The following ATP11B variants were observed in gnomAD, a reference collection of about 807,000 sequenced individuals.
ATP11B encodes phospholipid-transporting ATPase IF.
A neutral mutation model predicts 157.8 loss-of-function variants in ATP11B; 81 were observed. The ratio of observed to expected loss-of-function variants is 0.51; its 90% confidence interval spans 0.43 to 0.62. ATP11B has a LOEUF of 0.62. ATP11B is among the 20% of genes least tolerant of loss of function. ATP11B has a pLI of 0.00. For missense variants in ATP11B, 1,165 were observed against 1,402.2 expected, an observed-to-expected ratio of 0.83 and a Z score of 2.70; for synonymous variants, 451 against 469.4, an observed-to-expected ratio of 0.96 and a Z score of 0.51.
chr3:182,905,901 C>G, intron 28 of ATP11B: 1 of 456,560 alleles, frequency 2.2e-6, no homozygotes, highest in Non-Finnish European at 4.4e-6. Flanking sequence ...GCCAGCAGGA[C>G]AGTTGTTGCG....
intron 19 of ATP11B, among the ~76,000 whole-genome samples, chr3:182,875,417 T>TTTGTTGTTGTTGTTTTG (rs1267941744): frequency 1.4e-5 from 2 of 141,464 alleles, no homozygotes; most frequent in African/African-American, 3.2e-5. Flanking sequence ...CAGGGGATTT[T>TTTGTTGTTGTTGTTTTG]TTGTTGTTGT....
rs1725351505 is a variant in ATP11B, at chr3:182,919,759, CTTGCTAATGT to C, written c.*1656_*1665del. 6.6e-6 allele frequency: 1 copy of C among 152,062 alleles called. No homozygotes were observed. Among genetic ancestry groups the C allele is most frequent in the African/African-American group, 2.4e-5 (1 of 41,398 alleles). 9.4% of individuals were successfully genotyped at this position (152,062 alleles called of 1,614,324 possible). ...TTGTTTGCTTGTAAACTATTATTTT[CTTGCTAATGT>C]AACATTTGTCTGTTCCAGTGATGTA... On this transcript the variant is annotated 3_prime_UTR_variant, in exon 30 of 30. Coordinates refer to ENST00000323116, the MANE Select transcript of ATP11B (RefSeq NM_014616.3).
intron 9 of ATP11B, among the ~76,000 whole-genome samples, chr3:182,846,353 A>C (rs968800170): frequency 6.6e-5 from 10 of 152,074 alleles, no homozygotes; most frequent in Non-Finnish European, 1.3e-4. Flanking sequence ...AGAAATTGGA[A>C]CCCTTGTACA....
chr3:182,868,856 AG>A (rs1253591254), intron 15 of ATP11B, among the ~76,000 whole-genome samples: 1 of 152,192 alleles, frequency 6.6e-6, no homozygotes, highest in Non-Finnish European at 1.5e-5. Flanking sequence ...AAATGACATA[AG>A]GTGTGTAAAA....
At chr3:182,857,838 CATGAGTTGT>C in intron 10 of ATP11B, 31 bp from the exon 11 acceptor site, 1 of 1,275,448 alleles carries the variant, frequency 7.8e-7, no homozygotes, top group Middle Eastern at 2.6e-4. Context: ...TATAGTAATA[CATGAGTTGT>C]ATGTTTTATA....
At chr3:182,801,133 C>T (rs902527870) in intron 1 of ATP11B, among the ~76,000 whole-genome samples, 1 of 152,164 alleles carries the variant, frequency 6.6e-6, no homozygotes, top group Non-Finnish European at 1.5e-5. Flanking sequence ...GTAGTTTATC[C>T]TCCTTAACAT....
Position 182,866,274 on chromosome 3 carries a change from G to A in ATP11B, c.1450G>A (p.Glu484Lys). ...ATTAATTACATTTTTACAGATTAAA[G>A]AACATGATCTCTTCTTTAAAGCAGT... ...SPENETELIK[E>K]HDLFFKAVSL... The change falls in exon 14 of 30, where the codon GAA (glutamate) becomes AAA (lysine). Residue 484 changes from glutamate to lysine, a missense_variant. Coordinates refer to ENST00000323116, the MANE Select transcript of ATP11B (RefSeq NM_014616.3). The A allele has an allele frequency of 1.3e-6, 2 of 1,567,104 alleles. No homozygotes were observed. The highest frequency in any genetic ancestry group is 1.7e-6 in the Non-Finnish European group (2 of 1,152,486).
chr3:182,905,473 A>G (rs560314277), intron 28 of ATP11B, among the ~76,000 whole-genome samples: 28 of 152,378 alleles, frequency 1.8e-4, no homozygotes, highest in African/African-American at 6.3e-4. Flanking sequence ...TACCTTTTCA[A>G]TAAGAACCCT....
chr3:182,798,811 A>G (rs1715796705), intron 1 of ATP11B, among the ~76,000 whole-genome samples: 1 of 152,216 alleles, frequency 6.6e-6, no homozygotes, highest in African/African-American at 2.4e-5. Flanking sequence ...AAGGATGTAA[A>G]ATATCTCATT....
chr3:182,880,854 A>G, intron 20 of ATP11B, 25 bp from the exon 21 acceptor site: 1 of 1,481,832 alleles, frequency 6.7e-7, no homozygotes, highest in South Asian at 1.3e-5. Flanking sequence ...TGCGTCATAA[A>G]TAACCAATTC....
intron 5 of ATP11B, 32 bp downstream of exon 5, chr3:182,836,174 T>G (rs757461316): frequency 1.1e-5 from 17 of 1,588,664 alleles, no homozygotes; most frequent in Middle Eastern, 1.7e-4. Flanking sequence ...GAAATCAACT[T>G]TATCTTGATA....
chr3:182,919,808 A>T lies in ATP11B; in HGVS notation c.*1704A>T, dbSNP rs1175636190. On this transcript the variant is annotated 3_prime_UTR_variant, in exon 30 of 30. Transcript: ENST00000323116. ...TCCAGTGATGTAAGGATATTAAGTTATTAAGCTAAATATTAATTTTCAAAA... is the reference window on the plus strand; with the variant it reads ...TCCAGTGATGTAAGGATATTAAGTTTTTAAGCTAAATATTAATTTTCAAAA... The T allele has an allele frequency of 6.6e-6, 1 of 152,238 alleles. No individual in the cohort carries two copies. The highest frequency in any genetic ancestry group is 1.5e-5 in the Non-Finnish European group (1 of 68,036). The allele number at this position is 152,238 out of a possible 1,614,324, so 9.4% of individuals were successfully genotyped here.
intron 26 of ATP11B, 133 bp downstream of exon 26, chr3:182,896,898 ATT>A: frequency 1.5e-6 from 1 of 665,734 alleles, no homozygotes; most frequent in South Asian, 2.2e-5. Context: ...ACTGGTTACT[ATT>A]TTAATAGTTA....
intron 1 of ATP11B, among the ~76,000 whole-genome samples, chr3:182,799,527 G>A (rs1445234151): frequency 2.6e-5 from 4 of 151,926 alleles, no homozygotes; most frequent in African/African-American, 7.3e-5. Flanking sequence ...CGCCCGCCTC[G>A]GCCTCCGGAA....
chr3:182,834,599 A>G (rs2108509309), intron 4 of ATP11B, among the ~76,000 whole-genome samples: 1 of 152,312 alleles, frequency 6.6e-6, no homozygotes, highest in Non-Finnish European at 1.5e-5. Flanking sequence ...TCCATTATCT[A>G]TACTTGTGCC....
intron 25 of ATP11B, among the ~76,000 whole-genome samples, chr3:182,894,415 A>T (rs913496883): frequency 1.3e-5 from 2 of 151,976 alleles, no homozygotes; most frequent in East Asian, 3.9e-4. Flanking sequence ...CGAACTCCCA[A>T]CCTCAGGTGA....
intron 2 of ATP11B, among the ~76,000 whole-genome samples, chr3:182,826,539 A>G: frequency 6.6e-6 from 1 of 152,160 alleles, no homozygotes; most frequent in East Asian, 1.9e-4. Flanking sequence ...ATGTGTATAC[A>G]TTGAACATTG....
At chr3:182,846,589 G>T (rs1032208577) in intron 9 of ATP11B, among the ~76,000 whole-genome samples, 3 of 152,162 alleles carry the variant, frequency 2.0e-5, no homozygotes, top group African/African-American at 7.2e-5. Context: ...ATTAGATAAT[G>T]AATGAATAAG....
At chr3:182,859,387 T>C (rs1423030436) in intron 12 of ATP11B, 28 bp downstream of exon 12, 2 of 1,512,694 alleles carry the variant, frequency 1.3e-6, no homozygotes, top group South Asian at 1.3e-5. Context: ...ATTTTGTTTC[T>C]CTAATTTGTT....
Sources: allele counts gnomAD v4.1 joint callset (sites outside exome capture counted in the v4.1 genomes callset), GRCh38; gene constraint gnomAD v4.1.1; transcripts MANE v1.5; gene names NCBI Gene and HGNC (gene_info 2026-07-23, HGNC 2026-07-21).